The following TAFA2 variants were observed in gnomAD, a reference collection of about 807,000 sequenced individuals.
The protein encoded by TAFA2 is chemokine-like protein TAFA-2.
A neutral mutation model predicts 18.8 loss-of-function variants in TAFA2; 7 were observed. The observed-to-expected ratio is 0.37, with a 90% CI of 0.21 to 0.70. The LOEUF is 0.70. Among genes scored for constraint, TAFA2 ranks in the 30% least tolerant of loss-of-function variants. The pLI is 0.53. For missense variants in TAFA2, 122 were observed against 158.1 expected (o/e 0.77, Z 1.23); for synonymous variants, 60 against 54.2 (o/e 1.11, Z -0.47).
At chr12:61,851,676 G>A (rs1218168142) in intron 2 of TAFA2, among the ~76,000 whole-genome samples, 1 of 150,252 alleles carries the variant, frequency 6.7e-6, no homozygotes, top group Non-Finnish European at 1.5e-5. Context: ...TCCGGAGGCT[G>A]AGGCAGGAGA....
At chr12:61,974,845 A>G (rs1402610469) in intron 1 of TAFA2, among the ~76,000 whole-genome samples, 5 of 151,774 alleles carry the variant, frequency 3.3e-5, no homozygotes, top group Admixed American at 2.0e-4. Flanking sequence ...TGCCTGGTAA[A>G]AAGCCTCTTA....
intron 4 of TAFA2, among the ~76,000 whole-genome samples, chr12:61,715,085 A>G (rs1037211513): frequency 1.3e-5 from 2 of 152,208 alleles, no homozygotes; most frequent in Non-Finnish European, 2.9e-5. Context: ...GCTTTTAAAT[A>G]TTAGTAGGTG....
intron 2 of TAFA2, among the ~76,000 whole-genome samples, chr12:61,759,161 A>G (rs1038749459): frequency 6.6e-6 from 1 of 152,028 alleles, no homozygotes; most frequent in Non-Finnish European, 1.5e-5. Context: ...CCATTTCCAT[A>G]CAAAATCAAA....
At chr12:61,808,196 T>C (rs1456301348) in intron 2 of TAFA2, among the ~76,000 whole-genome samples, 1 of 151,678 alleles carries the variant, frequency 6.6e-6, no homozygotes, top group East Asian at 1.9e-4. Context: ...CATGCTGTTC[T>C]TGTGACAGTG....
intron 2 of TAFA2, among the ~76,000 whole-genome samples, chr12:61,812,388 C>T (rs1339675679): frequency 6.6e-6 from 1 of 151,318 alleles, no homozygotes; most frequent in Admixed American, 6.6e-5. Flanking sequence ...CAACATCTGC[C>T]TTGTAAAAGT....
chr12:62,044,489 A>G (rs183112045), intron 1 of TAFA2, among the ~76,000 whole-genome samples: 1 of 152,256 alleles, frequency 6.6e-6, no homozygotes, highest in Admixed American at 6.5e-5. Flanking sequence ...CAAGTAAAGA[A>G]AGCCCGCATA....
chr12:62,204,193 T>C (rs374818099), intron 1 of TAFA2, among the ~76,000 whole-genome samples: 2 of 152,202 alleles, frequency 1.3e-5, no homozygotes, highest in South Asian at 2.1e-4. Context: ...GTTGGGTTTC[T>C]CAGGAGAAGT....
chr12:61,858,507 CA>C (rs1479439192), intron 2 of TAFA2, among the ~76,000 whole-genome samples: 1 of 151,836 alleles, frequency 6.6e-6, no homozygotes, highest in Non-Finnish European at 1.5e-5. Context: ...GGATCTAGAA[CA>C]AAAATTATTA....
At chr12:61,820,742 A>G (rs1163437791) in intron 2 of TAFA2, among the ~76,000 whole-genome samples, 2 of 152,028 alleles carry the variant, frequency 1.3e-5, no homozygotes, top group African/African-American at 4.8e-5. Flanking sequence ...ATTTCAGTAC[A>G]AGCTTTTTTC....
rs55651727 is a variant in TAFA2, at chr12:61,851,774, C to CAAAAAAAAAAAA, written c.106+15534_106+15545dup. Among the ~76,000 whole-genome samples, 10 of 14,502 alleles carry CAAAAAAAAAAAA rather than the reference C, an allele frequency of 6.9e-4. 2 individuals are homozygous for CAAAAAAAAAAAA. The highest frequency in any genetic ancestry group is 1.1e-3 in the African/African-American group (7 of 6,644). 9.5% of individuals were successfully genotyped at this position (14,502 alleles called of 152,430 possible). On this transcript the variant is annotated intron_variant, in intron 2 of 4. Coordinates refer to ENST00000416284, the MANE Select transcript of TAFA2 (RefSeq NM_178539.5). ...TGGGCGACAGAGCGAGACTCCATCT[C>CAAAAAAAAAAAA]AAAAAAAAAAAAAAAAAAAAAAAAA... is the stretch of plus-strand genomic sequence containing the variant.
intron 1 of TAFA2, among the ~76,000 whole-genome samples, chr12:62,018,877 A>G (rs1416505477): frequency 6.6e-6 from 1 of 152,156 alleles, no homozygotes; most frequent in African/African-American, 2.4e-5. Context: ...TACCATCAGA[A>G]TGAACAGGCA....
intron 1 of TAFA2, among the ~76,000 whole-genome samples, chr12:62,178,430 A>G (rs576403640): frequency 2.0e-5 from 3 of 152,360 alleles, no homozygotes; most frequent in African/African-American, 7.2e-5. Context: ...CTAGGAAACA[A>G]AGGTTTACTT....
intron 4 of TAFA2, among the ~76,000 whole-genome samples, chr12:61,711,456 C>G (rs981817676): frequency 1.3e-5 from 2 of 151,896 alleles, no homozygotes; most frequent in African/African-American, 4.8e-5. Context: ...ATGGCTAAAA[C>G]AAAAAGTGAT....
At chr12:61,936,844 G>A (rs1170374943) in intron 1 of TAFA2, among the ~76,000 whole-genome samples, 1 of 151,848 alleles carries the variant, frequency 6.6e-6, no homozygotes, top group Non-Finnish European at 1.5e-5. Context: ...AAGAAATGAA[G>A]GGCATCCAAA....
chr12:61,839,273 T>G (rs1172266536), intron 2 of TAFA2, among the ~76,000 whole-genome samples: 7 of 152,108 alleles, frequency 4.6e-5, no homozygotes. Context: ...CTCAGGCTAT[T>G]AGGAAGGCTA....
intron 1 of TAFA2, among the ~76,000 whole-genome samples, chr12:62,113,195 T>C (rs1306891977): frequency 1.3e-5 from 2 of 152,194 alleles, no homozygotes; most frequent in Non-Finnish European, 2.9e-5. Flanking sequence ...TTGATGTTGA[T>C]GCTATTCCTT....
chr12:62,077,031 A>G (rs1350555653), intron 1 of TAFA2, among the ~76,000 whole-genome samples: 1 of 152,242 alleles, frequency 6.6e-6, no homozygotes, highest in Non-Finnish European at 1.5e-5. Flanking sequence ...TGATATGTTC[A>G]ATATAAATGA....
chr12:61,762,169 C>T (rs748839159), intron 2 of TAFA2, among the ~76,000 whole-genome samples: 3 of 152,082 alleles, frequency 2.0e-5, no homozygotes, highest in Non-Finnish European at 4.4e-5. Flanking sequence ...ATTACCCAGT[C>T]TCAGGTATTT....
chr12:62,065,983 A>C (rs918369057), intron 1 of TAFA2, among the ~76,000 whole-genome samples: 1 of 152,074 alleles, frequency 6.6e-6, no homozygotes, highest in African/African-American at 2.4e-5. Flanking sequence ...CTGTAGATAA[A>C]CCCTGTCATT....
Sources: allele counts gnomAD v4.1 joint callset (sites outside exome capture counted in the v4.1 genomes callset), GRCh38; gene constraint gnomAD v4.1.1; transcripts MANE v1.5; gene names NCBI Gene and HGNC (gene_info 2026-07-23, HGNC 2026-07-21).